The following PIGU variants were observed in gnomAD, a reference collection of about 807,000 sequenced individuals.
PIGU encodes the protein GPI-anchor transamidase component PIGU.
PIGU carries 24 observed loss-of-function variants against 49.9 expected under a neutral mutation model. That is an observed-to-expected ratio of 0.48 (90% CI 0.35 to 0.68). The LOEUF (loss-of-function observed/expected upper bound fraction) is 0.68. Among genes scored for constraint, PIGU ranks in the 30% least tolerant of loss-of-function variants. The pLI, the probability that PIGU is intolerant of heterozygous loss-of-function variation, is 0.01. For missense variants in PIGU, 490 were observed against 532.6 expected, an observed-to-expected ratio of 0.92 and a Z score of 0.79; for synonymous variants, 220 against 205.7, an observed-to-expected ratio of 1.07 and a Z score of -0.59.
Position 34,588,475 on chromosome 20 carries a change from T to A in PIGU, c.760A>T (p.Ile254Phe). The change falls in exon 8 of 12, where the codon ATC (isoleucine) becomes TTC (phenylalanine). Residue 254 changes from isoleucine (I) to phenylalanine (F), a missense_variant. Transcript: ENST00000217446. The part of the protein sequence containing the change: ...SFFLLSSWDF[I>F]PAVYGFILSV... ...TACATAAAGCCATAGACTGCGGGGA[T>A]GAAATCCCAAGAGCTGAGAAGGAAG... The A allele has an allele frequency of 1.2e-6, 2 of 1,613,960 alleles. No individual in the cohort carries two copies. Among genetic ancestry groups the A allele is most frequent in the East Asian group, 2.2e-5 (1 of 44,866 alleles).
chr20:34,605,192 C>G (rs1600621712), intron 7 of PIGU, among the ~76,000 whole-genome samples: 2 of 152,284 alleles, frequency 1.3e-5, no homozygotes, highest in East Asian at 3.9e-4. Flanking sequence ...CAGCCAAGGT[C>G]AGAGAAAGAG....
intron 11 of PIGU, among the ~76,000 whole-genome samples, chr20:34,567,445 G>A (rs1248049093): frequency 6.6e-6 from 1 of 152,118 alleles, no homozygotes; most frequent in East Asian, 1.9e-4. Context: ...TCACTTACAT[G>A]GCACTTTTCC....
At chr20:34,602,053 G>A (rs1021439781) in intron 7 of PIGU, among the ~76,000 whole-genome samples, 34 of 152,160 alleles carry the variant, frequency 2.2e-4, no homozygotes, top group African/African-American at 7.5e-4. Context: ...AGGCCAAGGC[G>A]GGCAGATCAC....
intron 11 of PIGU, among the ~76,000 whole-genome samples, 179 bp from the exon 12 acceptor site, chr20:34,561,158 G>A (rs1054277760): frequency 1.3e-5 from 2 of 152,240 alleles, no homozygotes; most frequent in Middle Eastern, 6.8e-3. Flanking sequence ...ACCCTGCAAG[G>A]TCTGGCCTCT....
intron 1 of PIGU, among the ~76,000 whole-genome samples, chr20:34,662,618 T>A (rs891719304): frequency 6.6e-6 from 1 of 152,140 alleles, no homozygotes; most frequent in Non-Finnish European, 1.5e-5. Context: ...AGTCTTGAAC[T>A]CCTGACCTCA....
rs1403924278 is a variant in PIGU at position 34,668,928 on chromosome 20, TACATACAGTG to T, written c.130+8018_130+8027del. On this transcript the variant is annotated intron_variant, in intron 1 of 11. Coordinates refer to ENST00000217446, the MANE Select transcript of PIGU (RefSeq NM_080476.5). ...ACAGGGTCTTGCTCTGGTGCCAGGC[TACATACAGTG>T]CAGTGGCATGATCATAGCTCAATGC... Among the ~76,000 whole-genome samples, 789 of 121,360 alleles carry T rather than the reference TACATACAGTG, an allele frequency of 6.5e-3. 8 individuals are homozygous for T. The highest frequency in any genetic ancestry group is 0.023 in the African/African-American group (748 of 32,196). 79.6% of individuals were successfully genotyped at this position (121,360 alleles called of 152,430 possible). A position where few individuals can be genotyped will look rare whatever the true frequency, so the allele number is the denominator to read the frequency against.
chr20:34,607,374 G>A lies in PIGU; in HGVS notation c.627+8668C>T, dbSNP rs190616226. Among the ~76,000 whole-genome samples, 682 of 152,288 alleles carry A rather than the reference G, an allele frequency of 4.5e-3. 6 individuals are homozygous for A. The highest frequency in any genetic ancestry group is 0.016 in the African/African-American group (651 of 41,552). ...CCCCAGGCTCCACTGGCAGTGGAGT[G>A]GCAGAGAGGGAGAGAGAAGCAGCAG... On this transcript the variant is annotated intron_variant, in intron 7 of 11. Coordinates refer to ENST00000217446, the MANE Select transcript of PIGU (RefSeq NM_080476.5).
At chr20:34,617,043 G>A (rs956133147) in intron 6 of PIGU, among the ~76,000 whole-genome samples, 12 of 152,236 alleles carry the variant, frequency 7.9e-5, no homozygotes, top group Non-Finnish European at 1.5e-4. Flanking sequence ...CTGGGAGGCA[G>A]AGGTTGCAGT....
chr20:34,676,836 G>T, intron 1 of PIGU, 120 bp downstream of exon 1: 1 of 923,238 alleles, frequency 1.1e-6, no homozygotes, highest in Non-Finnish European at 1.5e-6. Flanking sequence ...AGAACCCCAC[G>T]AGACAGTCAG....
At chr20:34,603,448 A>C (rs1984503564) in intron 7 of PIGU, among the ~76,000 whole-genome samples, 1 of 152,218 alleles carries the variant, frequency 6.6e-6, no homozygotes, top group Non-Finnish European at 1.5e-5. Context: ...TCCAGTTTTC[A>C]ATACAATGAA....
intron 9 of PIGU, 72 bp from the exon 10 acceptor site, chr20:34,581,744 C>T (rs1439313296): frequency 1.3e-6 from 2 of 1,540,054 alleles, no homozygotes; most frequent in African/African-American, 2.7e-5. Context: ...CTCCTGACTC[C>T]ATCCTTTGAA....
intron 9 of PIGU, among the ~76,000 whole-genome samples, chr20:34,584,465 A>ACACTTT (rs1174866021): frequency 6.8e-6 from 1 of 147,792 alleles, no homozygotes; most frequent in East Asian, 2.0e-4. Flanking sequence ...TCCACCAGAT[A>ACACTTT]CACTTTTTCC....
chr20:34,636,437 G>A (rs1310533205), intron 5 of PIGU, among the ~76,000 whole-genome samples: 4 of 151,880 alleles, frequency 2.6e-5, no homozygotes, highest in East Asian at 1.9e-4. Flanking sequence ...CCAGCTACTC[G>A]GGAGGCTGAG....
At chr20:34,625,752 GA>G (rs941589437) in intron 6 of PIGU, among the ~76,000 whole-genome samples, 6 of 148,368 alleles carry the variant, frequency 4.0e-5, no homozygotes, top group East Asian at 3.9e-4. Context: ...AAAAAAGAAA[GA>G]AAAAAACCCA....
At chr20:34,574,996 C>G (rs968030462) in intron 11 of PIGU, 108 bp downstream of exon 11, 20 of 1,441,942 alleles carry the variant, frequency 1.4e-5, no homozygotes, top group Admixed American at 1.9e-5. Flanking sequence ...ACTGTGCCTC[C>G]TTCACGTCTG....
At chr20:34,646,936 T>C (rs1204947980) in intron 2 of PIGU, among the ~76,000 whole-genome samples, 1 of 151,928 alleles carries the variant, frequency 6.6e-6, no homozygotes. Flanking sequence ...ATGATTCTCC[T>C]GCCTCAGCCT....
At chr20:34,596,023 C>A (rs1414539321) in intron 7 of PIGU, among the ~76,000 whole-genome samples, 1 of 152,162 alleles carries the variant, frequency 6.6e-6, no homozygotes, top group Non-Finnish European at 1.5e-5. Context: ...TGGAGCGAGA[C>A]CCTGTCTCAA....
At chr20:34,571,690 A>C (rs976022736) in intron 11 of PIGU, among the ~76,000 whole-genome samples, 5 of 152,192 alleles carry the variant, frequency 3.3e-5, no homozygotes, top group Non-Finnish European at 5.9e-5. Flanking sequence ...TGCAAGGCTG[A>C]GAAAAAGACA....
intron 11 of PIGU, among the ~76,000 whole-genome samples, chr20:34,561,363 T>C (rs1008818109): frequency 6.6e-6 from 1 of 152,124 alleles, no homozygotes; most frequent in African/African-American, 2.4e-5. Flanking sequence ...CCACTCAGCA[T>C]CCATGCCCCC....
Sources: gnomAD v4.1 joint callset for allele counts (sites outside exome capture counted in the v4.1 genomes callset) on GRCh38, gnomAD v4.1.1 for gene constraint, MANE v1.5 for transcripts, NCBI Gene and HGNC (gene_info 2026-07-23, HGNC 2026-07-21) for gene names.